The following SEL1L3 variants were observed in gnomAD, a reference collection of about 807,000 sequenced individuals.
SEL1L3 encodes protein sel-1 homolog 3.
SEL1L3 carries 76 observed loss-of-function variants against 142.8 expected under a neutral mutation model. The ratio of observed to expected loss-of-function variants is 0.53; its 90% confidence interval spans 0.44 to 0.64. The LOEUF (loss-of-function observed/expected upper bound fraction) is 0.64. Among genes scored for constraint, SEL1L3 ranks in the 30% least tolerant of loss-of-function variants. The pLI is 0.00. For missense variants in SEL1L3, 1,262 were observed against 1,381.7 expected, an observed-to-expected ratio of 0.91 and a Z score of 1.37; for synonymous variants, 504 against 519.6, an observed-to-expected ratio of 0.97 and a Z score of 0.41.
chr4:25,735,053 T>C, the SEL1L3 span, among the ~76,000 whole-genome samples: 2 of 152,192 alleles, frequency 1.3e-5, no homozygotes, highest in Non-Finnish European at 2.9e-5. Flanking sequence ...TAGATTCAGT[T>C]TGTGTACAGT....
chr4:25,718,818 A>C, the SEL1L3 span: 1 of 152,212 alleles, frequency 6.6e-6, no homozygotes, highest in Non-Finnish European at 1.5e-5. Context: ...TTACTATACA[A>C]GCCATGATAC....
the SEL1L3 span, among the ~76,000 whole-genome samples, chr4:25,726,155 G>A: frequency 6.6e-6 from 1 of 151,842 alleles, no homozygotes; most frequent in Non-Finnish European, 1.5e-5. Flanking sequence ...TGAAGGAGAG[G>A]AAACCTGAGC....
intron 17 of SEL1L3, among the ~76,000 whole-genome samples, chr4:25,775,081 G>C (rs916312633): frequency 7.9e-5 from 12 of 152,182 alleles, no homozygotes; most frequent in African/African-American, 2.9e-4. Context: ...GAGAAGCAGA[G>C]AATGAGTTAA....
chr4:25,843,187 G>A (rs73117350), intron 2 of SEL1L3, among the ~76,000 whole-genome samples: 2,548 of 151,964 alleles, frequency 0.017, 65 homozygotes, highest in African/African-American at 0.056. Flanking sequence ...TAAGGGGCAT[G>A]GGTTGATCTT....
the SEL1L3 span, among the ~76,000 whole-genome samples, chr4:25,725,964 C>T: frequency 6.6e-6 from 1 of 152,110 alleles, no homozygotes; most frequent in Non-Finnish European, 1.5e-5. Flanking sequence ...GCAGCGTCCT[C>T]GTGACCGGTA....
At chr4:25,782,605 G>A (rs1003180159) in intron 14 of SEL1L3, among the ~76,000 whole-genome samples, 187 bp from the exon 15 acceptor site, 1 of 152,146 alleles carries the variant, frequency 6.6e-6, no homozygotes, top group South Asian at 2.1e-4. Flanking sequence ...AGTCTTCCCA[G>A]GTGTGTTTCA....
chr4:25,862,632 GC>G (rs1375488332), intron 1 of SEL1L3, 42 bp downstream of exon 1: 3 of 1,133,096 alleles, frequency 2.6e-6, no homozygotes, highest in Non-Finnish European at 3.3e-6. Flanking sequence ...CGTCCCCGGG[GC>G]CCCGCGCGGA....
At chr4:25,807,401 G>A (rs1198746068) in intron 9 of SEL1L3, among the ~76,000 whole-genome samples, 3 of 152,066 alleles carry the variant, frequency 2.0e-5, no homozygotes, top group Non-Finnish European at 2.9e-5. Flanking sequence ...AGAGAAGTCC[G>A]TTCTACCCAG....
intron 5 of SEL1L3, among the ~76,000 whole-genome samples, chr4:25,831,510 A>AATTATTATTATT (rs71591516): frequency 8.2e-6 from 1 of 122,600 alleles, no homozygotes; most frequent in East Asian, 2.4e-4. Flanking sequence ...TAATAATAAT[A>AATTATTATTATT]ATTATTATTA....
chr4:25,777,020 T>TTAAAAATACAAAAAA (rs1201605302), intron 16 of SEL1L3, among the ~76,000 whole-genome samples: 2 of 150,380 alleles, frequency 1.3e-5, no homozygotes, highest in Admixed American at 1.3e-4. Flanking sequence ...AGATGAAAAT[T>TTAAAAATACAAAAAA]TAAAAATACA....
intron 6 of SEL1L3, among the ~76,000 whole-genome samples, chr4:25,826,342 T>C (rs1715094050): frequency 6.6e-6 from 1 of 152,208 alleles, no homozygotes; most frequent in Admixed American, 6.5e-5. Flanking sequence ...ACTATCCTTG[T>C]AGGACAACAG....
At chr4:25,732,656 T>G in the SEL1L3 span, among the ~76,000 whole-genome samples, 1 of 152,146 alleles carries the variant, frequency 6.6e-6, no homozygotes, top group Non-Finnish European at 1.5e-5. Context: ...TCAGTTTGTT[T>G]GCCTCCCGCC....
At position 25,847,767 on chromosome 4, in the gene SEL1L3, G is replaced by A; in HGVS notation, c.260C>T (p.Thr87Ile). 10 of 1,613,552 alleles carry A rather than the reference G, an allele frequency of 6.2e-6. No homozygotes were observed. The highest frequency in any genetic ancestry group is 8.5e-6 in the Non-Finnish European group (10 of 1,179,632). ...GTTGCGAACGTTTCCTTCAAAGACA[G>A]TAAAATAAATAAAGTCTTTGTAAGC... ...SVAYKDFIYF[T>I]VFEGNVRNVS... Residue 87 changes from threonine to isoleucine, a missense_variant, in exon 2 of 24, where the codon ACT becomes ATT. This residue lies in a region of SEL1L3 where 689 missense variants were observed against 692.8 expected (regional missense o/e 0.99). Transcript: ENST00000399878.
chr4:25,728,400 G>A, the SEL1L3 span, among the ~76,000 whole-genome samples: 1 of 151,992 alleles, frequency 6.6e-6, no homozygotes, highest in Non-Finnish European at 1.5e-5. Flanking sequence ...TAACCACCTG[G>A]GCACCATGGG....
the SEL1L3 span, chr4:25,720,814 G>GT: frequency 6.6e-6 from 1 of 152,192 alleles, no homozygotes; most frequent in Non-Finnish European, 1.5e-5. Context: ...AGTGCTTGAA[G>GT]TATCTGCTTT....
chr4:25,848,497 A>G (rs1210553141), intron 1 of SEL1L3, among the ~76,000 whole-genome samples: 3 of 152,358 alleles, frequency 2.0e-5, no homozygotes, highest in East Asian at 3.9e-4. Context: ...ACAATGCTAC[A>G]TGCACCAAGA....
At chr4:25,812,730 A>T (rs1444839978) in intron 9 of SEL1L3, among the ~76,000 whole-genome samples, 1 of 135,178 alleles carries the variant, frequency 7.4e-6, no homozygotes, top group Non-Finnish European at 1.6e-5. Context: ...AAAAAAAAAA[A>T]GGGTAGGTGC....
intron 11 of SEL1L3, among the ~76,000 whole-genome samples, chr4:25,795,413 A>G (rs1232367795): frequency 6.6e-6 from 1 of 152,192 alleles, no homozygotes; most frequent in Non-Finnish European, 1.5e-5. Context: ...TGTGGGGATG[A>G]AGATCTAAGA....
the SEL1L3 span, among the ~76,000 whole-genome samples, chr4:25,717,523 G>T: frequency 2.3e-3 from 347 of 152,136 alleles, 1 homozygote; most frequent in Admixed American, 8.9e-3. Context: ...AAAAATTGCC[G>T]GGCGTGGTGG....
Sources: allele counts gnomAD v4.1 joint callset (sites outside exome capture counted in the v4.1 genomes callset), GRCh38; gene constraint gnomAD v4.1.1; regional missense constraint gnomAD v4.1.1; transcripts MANE v1.5; gene names NCBI Gene and HGNC (gene_info 2026-07-23, HGNC 2026-07-21).